FBXL17: variants seen among roughly 807,000 people sequenced by gnomAD.
FBXL17 encodes the protein F-box and leucine rich repeat protein 17.
Under a neutral mutation model 66.2 loss-of-function variants are expected in FBXL17, and 22 were observed. That is an observed-to-expected ratio of 0.33 (90% CI 0.24 to 0.47). FBXL17 has a LOEUF of 0.47. Among genes scored for constraint, FBXL17 ranks in the 20% least tolerant of loss-of-function variants. FBXL17 has a pLI of 1.00. For missense variants in FBXL17, 878 were observed against 948.2 expected (o/e 0.93, Z 0.97); for synonymous variants, 474 against 400.5 (o/e 1.18, Z -2.19).
intron 7 of FBXL17, among the ~76,000 whole-genome samples, chr5:107,962,954 A>G (rs1751976406): frequency 6.6e-6 from 1 of 152,126 alleles, no homozygotes; most frequent in Non-Finnish European, 1.5e-5. Flanking sequence ...TATATGAGTA[A>G]TTTCATGGTA....
At chr5:108,338,763 C>A (rs1249581444) in intron 4 of FBXL17, among the ~76,000 whole-genome samples, 1 of 152,098 alleles carries the variant, frequency 6.6e-6, no homozygotes, top group Non-Finnish European at 1.5e-5. Context: ...CAAAAAGAAT[C>A]CACCCCAAAA....
intron 7 of FBXL17, among the ~76,000 whole-genome samples, chr5:107,923,336 T>C (rs751319154): frequency 7.2e-5 from 11 of 152,196 alleles, no homozygotes; most frequent in Non-Finnish European, 1.6e-4. Context: ...TGGCCTGTTA[T>C]GGCGTTTTCA....
intron 6 of FBXL17, among the ~76,000 whole-genome samples, chr5:108,022,303 G>GA (rs1285739170): frequency 2.0e-5 from 3 of 151,650 alleles, no homozygotes; most frequent in Non-Finnish European, 4.4e-5. Flanking sequence ...GGTTGTGAGG[G>GA]AAATTTTAAA....
intron 4 of FBXL17, among the ~76,000 whole-genome samples, chr5:108,245,746 G>T (rs374506041): frequency 6.6e-6 from 1 of 152,176 alleles, no homozygotes; most frequent in Admixed American, 6.5e-5. Context: ...AGGAAAAAAA[G>T]AAGTCTTTTA....
chr5:108,035,395 T>C (rs999232815), intron 6 of FBXL17, among the ~76,000 whole-genome samples: 1 of 152,020 alleles, frequency 6.6e-6, no homozygotes, highest in Non-Finnish European at 1.5e-5. Flanking sequence ...AGATGGAGTG[T>C]CGCTTTTGTT....
intron 6 of FBXL17, among the ~76,000 whole-genome samples, chr5:108,044,116 C>A (rs539354931): frequency 6.6e-6 from 1 of 152,184 alleles, no homozygotes; most frequent in South Asian, 2.1e-4. Flanking sequence ...ATAAACAATT[C>A]GGTCATCTGT....
At chr5:107,876,900 A>C (rs781699718) in intron 8 of FBXL17, among the ~76,000 whole-genome samples, 1 of 152,232 alleles carries the variant, frequency 6.6e-6, no homozygotes, top group Non-Finnish European at 1.5e-5. Flanking sequence ...CTCTTATTAG[A>C]GTGTCCCGTT....
intron 7 of FBXL17, among the ~76,000 whole-genome samples, chr5:107,957,771 TGTAC>T (rs1751721236): frequency 6.6e-6 from 1 of 152,138 alleles, no homozygotes; most frequent in East Asian, 1.9e-4. Flanking sequence ...GGCCATAATT[TGTAC>T]ATATTTAAAA....
At chr5:108,169,342 A>G (rs1580546825) in intron 6 of FBXL17, among the ~76,000 whole-genome samples, 1 of 152,218 alleles carries the variant, frequency 6.6e-6, no homozygotes, top group Non-Finnish European at 1.5e-5. Flanking sequence ...TATGTAAGTA[A>G]TATCTATTTC....
intron 7 of FBXL17, among the ~76,000 whole-genome samples, chr5:107,924,232 A>T (rs1290581631): frequency 6.6e-6 from 1 of 152,092 alleles, no homozygotes; most frequent in Non-Finnish European, 1.5e-5. Context: ...CTTAGCTTGC[A>T]GCCTTCACCA....
intron 6 of FBXL17, among the ~76,000 whole-genome samples, chr5:108,107,376 T>G (rs1749842077): frequency 6.6e-6 from 1 of 152,194 alleles, no homozygotes. Flanking sequence ...GAAAAGTATA[T>G]TATTTTGGTG....
At chr5:108,369,027 A>G (rs1404597523) in intron 1 of FBXL17, among the ~76,000 whole-genome samples, 2 of 152,150 alleles carry the variant, frequency 1.3e-5, no homozygotes, top group African/African-American at 2.4e-5. Context: ...CACCCTGACC[A>G]TGTAAATTGA....
chr5:107,967,152 A>G (rs1166697255), intron 7 of FBXL17, among the ~76,000 whole-genome samples: 4 of 152,078 alleles, frequency 2.6e-5, no homozygotes, highest in Admixed American at 2.6e-4. Flanking sequence ...CTTGTGAGTT[A>G]GGATTTCAAT....
chr5:108,210,439 T>A (rs568093506), intron 5 of FBXL17, among the ~76,000 whole-genome samples: 1 of 152,332 alleles, frequency 6.6e-6, no homozygotes, highest in South Asian at 2.1e-4. Context: ...CTTTCTCTTG[T>A]GAGTATTTAG....
intron 5 of FBXL17, among the ~76,000 whole-genome samples, chr5:108,198,463 A>G (rs769220937): frequency 3.9e-5 from 6 of 152,146 alleles, no homozygotes; most frequent in Non-Finnish European, 5.9e-5. Context: ...TTCTTCCACA[A>G]TCTTCAGCAT....
intron 5 of FBXL17, among the ~76,000 whole-genome samples, chr5:108,191,832 T>C (rs1314281494): frequency 3.9e-5 from 6 of 152,186 alleles, no homozygotes. Context: ...AATGTATACA[T>C]GAAGAAACAG....
chr5:108,150,004 C>T (rs1275630416), intron 6 of FBXL17, among the ~76,000 whole-genome samples: 3 of 152,124 alleles, frequency 2.0e-5, no homozygotes, highest in Admixed American at 6.6e-5. Context: ...GTAGAATGTA[C>T]ACCCATGAAT....
chr5:107,905,758 A>T (rs1004417538), intron 7 of FBXL17, among the ~76,000 whole-genome samples: 1 of 152,154 alleles, frequency 6.6e-6, no homozygotes, highest in African/African-American at 2.4e-5. Flanking sequence ...GTCCATCTGG[A>T]ATTATTTCCA....
chr5:107,919,989 T>A (rs1411714264), intron 7 of FBXL17, among the ~76,000 whole-genome samples: 1 of 152,212 alleles, frequency 6.6e-6, no homozygotes, highest in East Asian at 1.9e-4. Context: ...GATGACTATA[T>A]AGTGCAACCA....
Sources: allele counts gnomAD v4.1 joint callset (sites outside exome capture counted in the v4.1 genomes callset), GRCh38; gene constraint gnomAD v4.1.1; transcripts MANE v1.5; gene names NCBI Gene and HGNC (gene_info 2026-07-23, HGNC 2026-07-21).